MCF2L2: variants seen among roughly 807,000 people sequenced by gnomAD.
MCF2L2 encodes the protein MCF.2 cell line derived transforming sequence-like 2.
A neutral mutation model predicts 150.2 loss-of-function variants in MCF2L2; 102 were observed. That is an observed-to-expected ratio of 0.68 (90% CI 0.58 to 0.80). The LOEUF is 0.80. MCF2L2 is among the 30% of genes least tolerant of loss of function. The probability of loss-of-function intolerance (pLI) is 0.00; values close to 1 mark genes in which losing one functional copy is unlikely to be tolerated. For synonymous variants in MCF2L2, 465 were observed against 491.3 expected, an observed-to-expected ratio of 0.95 and a Z score of 0.71; for missense variants, 1,256 against 1,372.8, an observed-to-expected ratio of 0.91 and a Z score of 1.34.
At chr3:183,256,143 A>G (rs1437685783) in intron 15 of MCF2L2, among the ~76,000 whole-genome samples, 1 of 152,218 alleles carries the variant, frequency 6.6e-6, no homozygotes, top group Non-Finnish European at 1.5e-5. Context: ...TTTATAATAC[A>G]TTATGCCTTT....
chr3:183,338,825 C>A lies in MCF2L2; in HGVS notation c.461G>T (p.Arg154Leu), dbSNP rs761107247. ...TFTDIGIKYY[R>L]NEFKTKVPII... ...CGGCACTTTCGTTTTAAACTCATTT[C>A]GATAGTATTTAATGCCAATGTCAGT... Residue 154 changes from arginine (R) to leucine (L), a missense_variant, in exon 5 of 30, where the codon CGA becomes CTA. Physicochemically the swap from Arg to Leu is moderately radical, Grantham distance 102 (BLOSUM62 -2). Transcript: ENST00000328913. 6.2e-7 allele frequency: 1 copy of A among 1,602,668 alleles called. No individual in the cohort carries two copies. Among genetic ancestry groups the A allele is most frequent in the Non-Finnish European group, 8.5e-7 (1 of 1,172,106 alleles).
intron 13 of MCF2L2, among the ~76,000 whole-genome samples, chr3:183,292,570 C>G (rs1045643270): frequency 6.6e-6 from 1 of 151,814 alleles, no homozygotes; most frequent in East Asian, 1.9e-4. Context: ...CACACACACA[C>G]ACACACACAC....
chr3:183,223,361 G>C lies in MCF2L2; in HGVS notation c.2286C>G (p.Tyr762Ter). 1 of 1,613,718 alleles carries C rather than the reference G, an allele frequency of 6.2e-7. No homozygotes were observed. Among genetic ancestry groups the C allele is most frequent in the South Asian group, 1.1e-5 (1 of 91,076 alleles). ...TTGATTTTACCTTCAACAGCATCTGGTATTTTATAAGTCTCTGGCTTGGTC... is the reference window on the plus strand; with the variant it reads ...TTGATTTTACCTTCAACAGCATCTGCTATTTTATAAGTCTCTGGCTTGGTC... The part of the protein sequence containing the change: ...LKGPSQRLIK[Y>*]QMLLKGLLDF... The change falls in exon 20 of 30, where the codon TAC (tyrosine) becomes TAG (stop). Residue 762 changes from tyrosine to a stop codon, truncating the protein, a stop_gained. Coordinates refer to ENST00000328913, the MANE Select transcript of MCF2L2 (RefSeq NM_015078.4). LOFTEE classifies it high-confidence loss of function.
chr3:183,330,095 A>G (rs1217398201), intron 5 of MCF2L2, among the ~76,000 whole-genome samples: 3 of 151,216 alleles, frequency 2.0e-5, no homozygotes, highest in Non-Finnish European at 4.4e-5. Flanking sequence ...AAAAAAAAAA[A>G]TCAGCCGGGC....
intron 3 of MCF2L2, chr3:183,374,601 G>A (rs1338559915): frequency 6.6e-6 from 1 of 151,372 alleles, no homozygotes; most frequent in East Asian, 1.9e-4. Context: ...CCGAGAGGCG[G>A]AGGTTGCAGT....
intron 3 of MCF2L2, among the ~76,000 whole-genome samples, chr3:183,347,419 AG>A (rs1283468642): frequency 4.6e-5 from 7 of 152,250 alleles, no homozygotes; most frequent in African/African-American, 1.7e-4. Flanking sequence ...GATGGATTAA[AG>A]GCTTAAACAT....
chr3:183,383,079 T>C (rs1185354867), intron 2 of MCF2L2, among the ~76,000 whole-genome samples: 1 of 152,122 alleles, frequency 6.6e-6, no homozygotes, highest in Admixed American at 6.5e-5. Context: ...TTCTCCATAA[T>C]AAAACAAAGA....
intron 5 of MCF2L2, among the ~76,000 whole-genome samples, chr3:183,332,759 A>G (rs1730322789): frequency 6.6e-6 from 1 of 152,188 alleles, no homozygotes; most frequent in Non-Finnish European, 1.5e-5. Flanking sequence ...AAACATCAAC[A>G]GTTACTCAAG....
intron 2 of MCF2L2, among the ~76,000 whole-genome samples, chr3:183,389,298 A>T (rs1177410863): frequency 6.6e-6 from 1 of 152,214 alleles, no homozygotes; most frequent in Non-Finnish European, 1.5e-5. Context: ...GAGAACAAAC[A>T]ACCTCAGCAA....
At position 183,192,995 on chromosome 3, in the gene MCF2L2, C is replaced by T. The variant is rs1250153623; in HGVS notation, c.3016+4G>A. On this transcript the variant is annotated splice_donor_region_variant and intron_variant, in intron 27 of 29. Transcript: ENST00000328913. ...GCTCCACTCTCCCATGGGACCCTCC[C>T]TACCTTTAATCCCTCCTGTGCTGGA... 1.2e-6 allele frequency: 2 copies of T among 1,612,990 alleles called. No homozygotes were observed. The highest frequency in any genetic ancestry group is 4.5e-5 in the East Asian group (2 of 44,874).
At chr3:183,183,455 G>C (rs879726166) in intron 27 of MCF2L2, among the ~76,000 whole-genome samples, 1 of 152,220 alleles carries the variant, frequency 6.6e-6, no homozygotes, top group Non-Finnish European at 1.5e-5. Context: ...CCAGTCACAG[G>C]CATGTGAGGG....
chr3:183,412,399 A>G (rs1038496725), intron 1 of MCF2L2, among the ~76,000 whole-genome samples: 8 of 152,086 alleles, frequency 5.3e-5, no homozygotes, highest in Non-Finnish European at 8.8e-5. Context: ...GGTTAAAGCA[A>G]TTCTCCTGCC....
intron 10 of MCF2L2, among the ~76,000 whole-genome samples, chr3:183,302,220 C>A (rs1431486184): frequency 6.6e-6 from 1 of 152,192 alleles, no homozygotes; most frequent in Non-Finnish European, 1.5e-5. Context: ...ACCTCGCATG[C>A]CTTTCTCCTT....
intron 2 of MCF2L2, among the ~76,000 whole-genome samples, chr3:183,387,730 C>T (rs1028961086): frequency 1.3e-5 from 2 of 151,792 alleles, no homozygotes; most frequent in African/African-American, 2.4e-5. Context: ...GTCAGGAGTT[C>T]GAGACCAGCC....
chr3:183,208,891 A>G (rs781725428), intron 22 of MCF2L2, among the ~76,000 whole-genome samples: 6 of 152,248 alleles, frequency 3.9e-5, no homozygotes, highest in Non-Finnish European at 8.8e-5. Context: ...CTGAAACATT[A>G]AAAGAAAAAC....
At chr3:183,234,687 CTTTT>C (rs71185647) in intron 15 of MCF2L2, among the ~76,000 whole-genome samples, 3 of 84,246 alleles carry the variant, frequency 3.6e-5, no homozygotes, top group Admixed American at 1.3e-4. Context: ...ATGTATGACT[CTTTT>C]TTTTTTTTTT....
chr3:183,256,128 GAA>G (rs1725025145), intron 15 of MCF2L2, among the ~76,000 whole-genome samples: 1 of 152,188 alleles, frequency 6.6e-6, no homozygotes, highest in Admixed American at 6.5e-5. Context: ...TCTCAGCTTT[GAA>G]TTTTTATAAT....
chr3:183,317,411 G>C (rs1168461429), intron 7 of MCF2L2, among the ~76,000 whole-genome samples: 1 of 152,032 alleles, frequency 6.6e-6, no homozygotes, highest in Non-Finnish European at 1.5e-5. Context: ...GAGAAGCCCC[G>C]GGAAGATTTC....
intron 26 of MCF2L2, among the ~76,000 whole-genome samples, chr3:183,194,454 A>G (rs1366111128): frequency 6.6e-6 from 1 of 152,212 alleles, no homozygotes; most frequent in East Asian, 1.9e-4. Context: ...GAAGATGATC[A>G]GGAGAGTTCT....
Sources: gnomAD v4.1 joint callset for allele counts (sites outside exome capture counted in the v4.1 genomes callset) on GRCh38, gnomAD v4.1.1 for gene constraint, MANE v1.5 for transcripts, NCBI Gene and HGNC (gene_info 2026-07-23, HGNC 2026-07-21) for gene names.